Variants in CA4 observed in about 807,000 individuals in gnomAD.
CA4 encodes CA-IV.
In CA4, 24 loss-of-function variants were observed where a neutral mutation model predicts 34.5. The observed-to-expected ratio is 0.70, with a 90% CI of 0.50 to 0.98. The LOEUF is 0.98. CA4 is among the 50% of genes least tolerant of loss of function. The pLI, the probability that CA4 is intolerant of heterozygous loss-of-function variation, is 0.00. For synonymous variants in CA4, 178 were observed against 170.6 expected (o/e 1.04, Z -0.34); for missense variants, 394 against 396.7 (o/e 0.99, Z 0.06).
intron 5 of CA4, among the ~76,000 whole-genome samples, chr17:60,166,471 T>C (rs927850656): frequency 2.0e-5 from 3 of 152,188 alleles, no homozygotes; most frequent in Admixed American, 6.6e-5. Context: ...GTTCAAAGGG[T>C]AAATGCCTAT....
chr17:60,151,000 G>A (rs2083583224), intron 1 of CA4, among the ~76,000 whole-genome samples: 1 of 152,168 alleles, frequency 6.6e-6, no homozygotes, highest in African/African-American at 2.4e-5. Flanking sequence ...GGTGATTTTC[G>A]TTTAAAGATT....
chr17:60,163,524 A>C (rs1338835715), downstream of CA4, among the ~76,000 whole-genome samples: 2 of 147,444 alleles, frequency 1.4e-5, no homozygotes, highest in African/African-American at 5.0e-5. Context: ...GAGGTTGGGG[A>C]ACTGTTCCTG....
At chr17:60,152,472 C>T (rs1410778647) in intron 1 of CA4, among the ~76,000 whole-genome samples, 1 of 152,220 alleles carries the variant, frequency 6.6e-6, no homozygotes, top group Non-Finnish European at 1.5e-5. Flanking sequence ...CACAGGTCAC[C>T]ACTACAAACC....
At chr17:60,167,686 A>G (rs2083869093) in intron 5 of CA4, among the ~76,000 whole-genome samples, 1 of 152,226 alleles carries the variant, frequency 6.6e-6, no homozygotes, top group African/African-American at 2.4e-5. Context: ...GACACAGTCA[A>G]CCTGGTATCA....
At chr17:60,178,284 T>G in the CA4 span, among the ~76,000 whole-genome samples, 1 of 152,212 alleles carries the variant, frequency 6.6e-6, no homozygotes, top group Non-Finnish European at 1.5e-5. Context: ...TTTTTTAAAG[T>G]GCAAGACAAA....
intron 1 of CA4, among the ~76,000 whole-genome samples, chr17:60,152,237 G>A (rs758303391): frequency 5.9e-5 from 9 of 151,968 alleles, no homozygotes; most frequent in Non-Finnish European, 1.2e-4. Context: ...GAGTCAGTGG[G>A]CTGGTACTTA....
chr17:60,152,645 G>GC (rs1402451803), intron 1 of CA4, among the ~76,000 whole-genome samples: 8 of 152,210 alleles, frequency 5.3e-5, no homozygotes, highest in African/African-American at 1.9e-4. Context: ...TGGAATGGCT[G>GC]CCCCCGGGCC....
downstream of CA4, among the ~76,000 whole-genome samples, chr17:60,173,612 T>C (rs1379782943): frequency 6.6e-6 from 1 of 152,226 alleles, no homozygotes; most frequent in Non-Finnish European, 1.5e-5. Flanking sequence ...ACTCCTTACA[T>C]GTGTGCATAT....
chr17:60,158,061 G>A lies in CA4; in HGVS notation c.514G>A (p.Ala172Thr). Residue 172 changes from alanine to threonine, a missense_variant and splice_region_variant, in exon 6 of 8, where the codon GCT becomes ACT. Transcript: ENST00000300900. Reference sequence around the variant, plus strand: ...TCAAGACCCTTCCCTCCCTTTCCAGGCTGGAACCCAGGTGAACGAGGGCTT... The same window carrying A: ...TCAAGACCCTTCCCTCCCTTTCCAGACTGGAACCCAGGTGAACGAGGGCTT... ...EIAVLAFLVEAGTQVNEGFQP... is the reference protein window; with the variant it reads ...EIAVLAFLVETGTQVNEGFQP... 1 of 1,613,890 alleles carries A rather than the reference G, an allele frequency of 6.2e-7. No homozygotes were observed. Among genetic ancestry groups the A allele is most frequent in the Non-Finnish European group, 8.5e-7 (1 of 1,179,940 alleles).
chr17:60,156,892 G>C, intron 3 of CA4, 177 bp downstream of exon 3: 1 of 670,952 alleles, frequency 1.5e-6, no homozygotes. Flanking sequence ...GTATGTTTTC[G>C]TTACTTTTGT....
intron 3 of CA4, chr17:60,156,964 C>A (rs539126803): frequency 1.7e-6 from 1 of 581,636 alleles, no homozygotes; most frequent in African/African-American, 1.9e-5. Flanking sequence ...TGCAAAGGCG[C>A]GGAGGCATGG....
downstream of CA4, among the ~76,000 whole-genome samples, chr17:60,171,949 C>T (rs1261431147): frequency 6.6e-6 from 1 of 152,202 alleles, no homozygotes; most frequent in Non-Finnish European, 1.5e-5. Flanking sequence ...GACTGGACTT[C>T]TGGTCTACTG....
chr17:60,156,222 G>A (rs930427540), intron 2 of CA4, among the ~76,000 whole-genome samples: 2 of 152,184 alleles, frequency 1.3e-5, no homozygotes, highest in African/African-American at 2.4e-5. Flanking sequence ...TTACATTTGG[G>A]AAACCCAGGG....
chr17:60,168,543 G>C (rs367603028), intron 5 of CA4, among the ~76,000 whole-genome samples: 1 of 148,522 alleles, frequency 6.7e-6, no homozygotes, highest in Non-Finnish European at 1.5e-5. Context: ...GGGAGGGGGT[G>C]GGGAAGGGTG....
intron 5 of CA4, among the ~76,000 whole-genome samples, chr17:60,169,725 G>A (rs533150185): frequency 2.0e-5 from 3 of 152,218 alleles, no homozygotes; most frequent in East Asian, 1.9e-4. Flanking sequence ...TCCTGACCTC[G>A]TGATCCACCT....
downstream of CA4, among the ~76,000 whole-genome samples, chr17:60,162,088 C>A (rs2083797053): frequency 6.6e-6 from 1 of 152,158 alleles, no homozygotes; most frequent in Non-Finnish European, 1.5e-5. Context: ...GGAGCCAGAA[C>A]GGGCACAGCT....
chr17:60,157,967 C>T (rs2083722376), intron 5 of CA4, 94 bp from the exon 6 acceptor site: 1 of 1,566,732 alleles, frequency 6.4e-7, no homozygotes. Flanking sequence ...ATCCCAGAAG[C>T]TGCCTGGCCT....
rs145484988 is a variant in CA4, at chr17:60,152,446, G to A, written c.58+2354G>A. Among the ~76,000 whole-genome samples, 758 of 152,358 alleles carry A rather than the reference G, an allele frequency of 5.0e-3. 2 individuals carry two copies. Among genetic ancestry groups the A allele is most frequent in the Non-Finnish European group, 7.7e-3 (526 of 68,036 alleles). On this transcript the variant is annotated intron_variant, in intron 1 of 7. Coordinates refer to ENST00000300900, the MANE Select transcript of CA4 (RefSeq NM_000717.5). Reference sequence around the variant, plus strand: ...AGCCAAGCAGGTCAAAAGTCTCCATGATTAAGACAGTGGATCACAGGTCAC... The same window carrying A: ...AGCCAAGCAGGTCAAAAGTCTCCATAATTAAGACAGTGGATCACAGGTCAC...
In CA4 at chr17:60,159,072, A is replaced by T. The variant is rs142401267; in HGVS notation, c.745-158A>T. The T allele has an allele frequency of 2.0e-3, 1,434 of 702,570 alleles. 19 individuals carry two copies. The African/African-American group carries it at 0.022, about 11-fold the overall frequency. 43.5% of individuals were successfully genotyped at this position (702,570 alleles called of 1,614,324 possible). ...GCCACGCACCTCATTTACATCCCCT[A>T]TTCTTATCATCTTCACGACCACCTT... On this transcript the variant is annotated intron_variant, in intron 7 of 7. Transcript: ENST00000300900.
Sources: gnomAD v4.1 joint callset for allele counts (sites outside exome capture counted in the v4.1 genomes callset) on GRCh38, gnomAD v4.1.1 for gene constraint, MANE v1.5 for transcripts, NCBI Gene and HGNC (gene_info 2026-07-23, HGNC 2026-07-21) for gene names.